The following SPAG9 variants were observed in gnomAD, a reference collection of about 807,000 sequenced individuals.
The protein encoded by SPAG9 is C-Jun-amino-terminal kinase-interacting protein 4.
Under a neutral mutation model 166.5 loss-of-function variants are expected in SPAG9, and 35 were observed. That is an observed-to-expected ratio of 0.21 (90% CI 0.16 to 0.28). The LOEUF (loss-of-function observed/expected upper bound fraction) is 0.28. SPAG9 is among the 10% of genes least tolerant of loss of function. SPAG9 has a pLI of 1.00. For missense variants in SPAG9, 1,235 were observed against 1,603.3 expected, an observed-to-expected ratio of 0.77 and a Z score of 3.92; for synonymous variants, 534 against 565.5, an observed-to-expected ratio of 0.94 and a Z score of 0.79.
At chr17:50,995,382 T>C (rs184094505) in intron 17 of SPAG9, 62 bp downstream of exon 17, 17 of 1,450,436 alleles carry the variant, frequency 1.2e-5, no homozygotes, top group Non-Finnish European at 1.6e-5. Context: ...ACTTTTTTGG[T>C]TTTAGAAAAA....
chr17:51,084,973 C>T (rs1435878508), intron 1 of SPAG9, among the ~76,000 whole-genome samples: 1 of 152,084 alleles, frequency 6.6e-6, no homozygotes, highest in East Asian at 1.9e-4. Flanking sequence ...GTCTCAGCCT[C>T]CCGAGTAGCT....
intron 6 of SPAG9, 69 bp from the exon 7 acceptor site, chr17:51,021,434 T>G (rs1208098240): frequency 3.2e-6 from 4 of 1,263,582 alleles, no homozygotes; most frequent in Non-Finnish European, 4.4e-6. Context: ...TTAAATGGGT[T>G]GAGAAATAAA....
rs536089979 is a variant in SPAG9, at chr17:51,054,619, G to T, written c.495+1793C>A. ...GCCTGGCTAATTTTTCGTATTTTTA[G>T]TAGAGACGGGGTTTCACCGTGTTAG... On this transcript the variant is annotated intron_variant, in intron 3 of 29. Coordinates refer to ENST00000262013, the MANE Select transcript of SPAG9 (RefSeq NM_001130528.3). Among the ~76,000 whole-genome samples the T allele has an allele frequency of 3.3e-5, 5 of 151,672 alleles. No homozygotes were observed. The East Asian group carries it at 9.7e-4, about 30-fold the overall frequency.
At position 50,974,707 on chromosome 17, in the gene SPAG9, G is replaced by A. The variant is rs540218556; in HGVS notation, c.3700+64C>T. On this transcript the variant is annotated intron_variant, in intron 28 of 29. Coordinates refer to ENST00000262013, the MANE Select transcript of SPAG9 (RefSeq NM_001130528.3). Reference sequence around the variant, plus strand: ...CTTAGCCTTAGACTATTAGGTAGTGGAACCAAGAGATGACAGAAGAGAGAC... The same window carrying A: ...CTTAGCCTTAGACTATTAGGTAGTGAAACCAAGAGATGACAGAAGAGAGAC... 6 of 1,416,756 alleles carry A rather than the reference G, an allele frequency of 4.2e-6. No individual in the cohort carries two copies. In the African/African-American group the frequency reaches 7.3e-5, roughly 17 times the overall value. The allele number at this position is 1,416,756 out of a possible 1,614,324, so 87.8% of individuals were successfully genotyped here. A position where few individuals can be genotyped will look rare whatever the true frequency, so the allele number is the denominator to read the frequency against.
chr17:51,012,261 T>G (rs1304122592), intron 9 of SPAG9, among the ~76,000 whole-genome samples: 1 of 152,086 alleles, frequency 6.6e-6, no homozygotes, highest in Non-Finnish European at 1.5e-5. Context: ...AATATAAAAA[T>G]GGAGTATTCC....
At chr17:51,041,750 C>T in intron 4 of SPAG9, 99 bp from the exon 5 acceptor site, 2 of 1,093,562 alleles carry the variant, frequency 1.8e-6, no homozygotes, top group Non-Finnish European at 2.7e-6. Context: ...TGTTTTACAA[C>T]CATCACTCAA....
intron 21 of SPAG9, 133 bp from the exon 22 acceptor site, chr17:50,987,370 C>CTCTAA: frequency 1.3e-6 from 1 of 776,724 alleles, no homozygotes; most frequent in Non-Finnish European, 1.9e-6. Context: ...GATAGGGTAT[C>CTCTAA]ACTCTGTCAC....
chr17:50,992,004 C>T (rs936574174), intron 19 of SPAG9, among the ~76,000 whole-genome samples: 1 of 132,798 alleles, frequency 7.5e-6, no homozygotes, highest in Non-Finnish European at 1.5e-5. Flanking sequence ...GTGGTGCAAT[C>T]GTAGCTCACT....
At chr17:51,084,539 TG>T (rs150771042) in intron 1 of SPAG9, among the ~76,000 whole-genome samples, 173 of 152,276 alleles carry the variant, frequency 1.1e-3, no homozygotes, top group Non-Finnish European at 1.8e-3. Flanking sequence ...TCTGCGTAGC[TG>T]GGACTACAGG....
At chr17:51,047,277 CCTAA>C (rs1203629963) in intron 4 of SPAG9, 94 bp downstream of exon 4, 2 of 706,210 alleles carry the variant, frequency 2.8e-6, no homozygotes, top group African/African-American at 1.8e-5. Context: ...TTTGAATCAG[CCTAA>C]CTATTGTTCC....
At chr17:50,983,463 A>G (rs1478061811) in intron 24 of SPAG9, among the ~76,000 whole-genome samples, 3 of 152,182 alleles carry the variant, frequency 2.0e-5, no homozygotes, top group African/African-American at 7.2e-5. Flanking sequence ...TGCTGTCTTT[A>G]TCTAGCCTAG....
chr17:51,037,685 A>AGTGTGTGTGT (rs746475393), intron 5 of SPAG9, among the ~76,000 whole-genome samples: 18 of 83,488 alleles, frequency 2.2e-4, no homozygotes, highest in African/African-American at 6.7e-4. Flanking sequence ...ATATATATAT[A>AGTGTGTGTGT]GTGTGTGTGT....
At chr17:51,002,016 T>TA (rs1003889679) in intron 12 of SPAG9, among the ~76,000 whole-genome samples, 171 bp from the exon 13 acceptor site, 2 of 152,048 alleles carry the variant, frequency 1.3e-5, no homozygotes, top group Non-Finnish European at 2.9e-5. Flanking sequence ...GACTTTTTTT[T>TA]AAAAAAATAT....
At chr17:51,074,158 C>T (rs568123068) in intron 2 of SPAG9, among the ~76,000 whole-genome samples, 96 of 152,284 alleles carry the variant, frequency 6.3e-4, no homozygotes, top group African/African-American at 2.2e-3. Context: ...ATGGCGTGAA[C>T]CCGGGAGGCA....
intron 2 of SPAG9, among the ~76,000 whole-genome samples, chr17:51,063,130 C>T (rs1164328782): frequency 1.3e-5 from 2 of 152,030 alleles, no homozygotes; most frequent in Non-Finnish European, 2.9e-5. Flanking sequence ...GTATGCTGGC[C>T]GGGCACAGTG....
intron 8 of SPAG9, among the ~76,000 whole-genome samples, chr17:51,018,693 A>G (rs2144149012): frequency 6.6e-6 from 1 of 152,218 alleles, no homozygotes; most frequent in South Asian, 2.1e-4. Flanking sequence ...GGACAATGCA[A>G]TCTTGTGAGT....
At chr17:51,065,474 T>G (rs73986890) in intron 2 of SPAG9, among the ~76,000 whole-genome samples, 7,359 of 152,318 alleles carry the variant, frequency 0.048, 530 homozygotes, top group African/African-American at 0.16. Flanking sequence ...ACATTTATGT[T>G]ATAAGAGAAG....
At chr17:51,080,421 C>A (rs1313176695) in intron 1 of SPAG9, among the ~76,000 whole-genome samples, 1 of 152,020 alleles carries the variant, frequency 6.6e-6, no homozygotes, top group Non-Finnish European at 1.5e-5. Context: ...TCCTTGGACA[C>A]ATCTTCTCTT....
rs1018735900 is a variant in SPAG9, at chr17:51,101,934, A to G, written c.303+18420T>C. 7.2e-5 allele frequency among the ~76,000 whole-genome samples: 11 copies of G among 152,222 alleles called. No individual in the cohort carries two copies. The South Asian group carries it at 2.3e-3, about 32-fold the overall frequency. ...GCCACCGCGCCTGGCCTATACCATAATAGTCTAGCACAGGCTTTTAACCAA... is the reference window on the plus strand; with the variant it reads ...GCCACCGCGCCTGGCCTATACCATAGTAGTCTAGCACAGGCTTTTAACCAA... On this transcript the variant is annotated intron_variant, in intron 1 of 29. Coordinates refer to ENST00000262013, the MANE Select transcript of SPAG9 (RefSeq NM_001130528.3).
Sources: allele counts gnomAD v4.1 joint callset (sites outside exome capture counted in the v4.1 genomes callset), GRCh38; gene constraint gnomAD v4.1.1; transcripts MANE v1.5; gene names NCBI Gene and HGNC (gene_info 2026-07-23, HGNC 2026-07-21).